FGF13: variants seen among roughly 807,000 people sequenced by gnomAD.
FGF13 encodes fibroblast growth factor homologous factor 2.
FGF13 carries 2 observed loss-of-function variants against 19.5 expected under a neutral mutation model. The observed-to-expected ratio is 0.10, with a 90% confidence interval of 0.04 to 0.32. FGF13 has a LOEUF of 0.32. Ranked by LOEUF, FGF13 falls within the 10% of genes least tolerant of loss-of-function variation. FGF13 has a pLI of 1.00. For missense variants in FGF13, 113 were observed against 192.7 expected, an observed-to-expected ratio of 0.59 and a Z score of 2.45; for synonymous variants, 72 against 76.9, an observed-to-expected ratio of 0.94 and a Z score of 0.33.
chrX:139,020,785 T>C (rs953351066), intron 1 of FGF13, among the ~76,000 whole-genome samples: 3 of 111,862 alleles, frequency 2.7e-5, no homozygotes, highest in African/African-American at 9.7e-5. Context: ...TTAGGTGTAT[T>C]TTATTGCATC....
chrX:138,874,155 AATAT>A (rs746792067), intron 1 of FGF13, among the ~76,000 whole-genome samples: 118 of 98,148 alleles, frequency 1.2e-3, no homozygotes, highest in Non-Finnish European at 1.2e-3. Flanking sequence ...AAGTATAATA[AATAT>A]ATATATATAT....
chrX:138,732,180 A>T (rs1429724846), intron 1 of FGF13, among the ~76,000 whole-genome samples: 1 of 112,058 alleles, frequency 8.9e-6, no homozygotes, highest in Non-Finnish European at 1.9e-5. Flanking sequence ...ATTCTTAGGC[A>T]GTAGCTCAAA....
chrX:138,693,034 C>T (rs2089854897), intron 3 of FGF13, among the ~76,000 whole-genome samples: 1 of 111,220 alleles, frequency 9.0e-6, no homozygotes, highest in African/African-American at 3.3e-5. Context: ...ACCTAAAACA[C>T]TAGACCATCA....
chrX:138,984,598 A>AGGAGGAGGC lies in FGF13; in HGVS notation c.-112-119949_-112-119948insGCCTCCTCC, dbSNP rs1883954042. Among the ~76,000 whole-genome samples, 5 of 39,068 alleles carry AGGAGGAGGC rather than the reference A, an allele frequency of 1.3e-4. 1 individual carries two copies. Among genetic ancestry groups the AGGAGGAGGC allele is most frequent in the Admixed American group, 8.2e-4 (3 of 3,680 alleles). The allele number at this position is 39,068 out of a possible 115,157, so 33.9% of individuals were successfully genotyped here. ...AAGAAGAAGAAGAAGAAGGAGGAGG[A>AGGAGGAGGC]GGAGGAGGAGGAGGAGGATGAGGAA... On this transcript the variant is annotated intron_variant, in intron 1 of 2. Transcript: ENST00000421460.
chrX:139,151,424 A>C, intron 1 of FGF13, among the ~76,000 whole-genome samples: 1 of 112,118 alleles, frequency 8.9e-6, no homozygotes, highest in Non-Finnish European at 1.9e-5. Context: ...TTATCATTTA[A>C]TTCTAATAAC....
chrX:139,179,173 G>A (rs777738411), intron 1 of FGF13, among the ~76,000 whole-genome samples: 16 of 111,227 alleles, frequency 1.4e-4, no homozygotes, highest in Non-Finnish European at 2.8e-4. Context: ...TGGCAAAACC[G>A]CAATTAATTT....
At chrX:138,834,589 C>CAAA (rs751904671) in intron 3 of FGF13, among the ~76,000 whole-genome samples, 1,183 of 98,997 alleles carry the variant, frequency 0.012, 19 homozygotes, top group African/African-American at 0.041. Context: ...TATTTTTTTT[C>CAAA]AAAAAAAAAA....
chrX:138,683,467 C>G (rs1224630560), intron 3 of FGF13, among the ~76,000 whole-genome samples: 1 of 109,977 alleles, frequency 9.1e-6, no homozygotes, highest in East Asian at 2.9e-4. Context: ...GAAATCATGT[C>G]TCTTCTCTTG....
At chrX:138,968,216 A>T (rs2091902436) in intron 1 of FGF13, among the ~76,000 whole-genome samples, 1 of 112,552 alleles carries the variant, frequency 8.9e-6, no homozygotes, top group Non-Finnish European at 1.9e-5. Flanking sequence ...TTAATTTGTT[A>T]GTTTAATATT....
chrX:139,030,945 G>A (rs6635762), intron 1 of FGF13, among the ~76,000 whole-genome samples: 17,038 of 111,303 alleles, frequency 0.15, 1,107 homozygotes, highest in African/African-American at 0.25. Context: ...AAAGGTATAC[G>A]TTTTAAAGAT....
intron 3 of FGF13, among the ~76,000 whole-genome samples, chrX:138,749,585 G>A (rs1020704977): frequency 9.0e-6 from 1 of 111,201 alleles, no homozygotes; most frequent in African/African-American, 3.3e-5. Flanking sequence ...AAATGTGCTG[G>A]GCTGAGAAAA....
intron 3 of FGF13, among the ~76,000 whole-genome samples, chrX:138,754,933 T>C (rs911906306): frequency 9.0e-6 from 1 of 111,490 alleles, no homozygotes; most frequent in East Asian, 2.8e-4. Context: ...CTTGGAAGTC[T>C]GTGTGTAGTT....
intron 3 of FGF13, among the ~76,000 whole-genome samples, chrX:138,664,108 TAA>T (rs1244018689): frequency 1.8e-5 from 2 of 111,786 alleles, no homozygotes; most frequent in Non-Finnish European, 3.8e-5. Context: ...ATAAATGAAG[TAA>T]AGAGTATGGC....
intron 1 of FGF13, among the ~76,000 whole-genome samples, chrX:138,722,986 G>A (rs184230505): frequency 1.1e-4 from 12 of 111,766 alleles, no homozygotes; most frequent in African/African-American, 3.6e-4. Context: ...ACCTTCTGAG[G>A]TAGGTACTGT....
chrX:138,988,925 C>A (rs1391228604), intron 1 of FGF13, among the ~76,000 whole-genome samples: 5 of 111,220 alleles, frequency 4.5e-5, no homozygotes, highest in Non-Finnish European at 9.4e-5. Context: ...ATACAAATAT[C>A]CTGAAGATTG....
At chrX:139,061,210 C>T (rs1294016427) in intron 1 of FGF13, among the ~76,000 whole-genome samples, 1 of 111,679 alleles carries the variant, frequency 9.0e-6, no homozygotes, top group Non-Finnish European at 1.9e-5. Context: ...TCCTGGGTGG[C>T]TGTACTAATT....
At chrX:138,872,680 G>A (rs187762268) in intron 1 of FGF13, among the ~76,000 whole-genome samples, 38 of 111,943 alleles carry the variant, frequency 3.4e-4, no homozygotes, top group African/African-American at 1.2e-3. Flanking sequence ...GATATGAATC[G>A]CATTAGCATA....
At chrX:138,791,924 C>T (rs755420303) in intron 3 of FGF13, among the ~76,000 whole-genome samples, 1 of 111,771 alleles carries the variant, frequency 8.9e-6, no homozygotes, top group East Asian at 2.8e-4. Flanking sequence ...AATGTTTGCC[C>T]ATTAATATTT....
At chrX:138,655,228 G>C (rs907822617) in intron 3 of FGF13, among the ~76,000 whole-genome samples, 1 of 111,740 alleles carries the variant, frequency 8.9e-6, no homozygotes. Flanking sequence ...CCGTATCATA[G>C]AAAGAAGGAA....
Sources: gnomAD v4.1 joint callset for allele counts (sites outside exome capture counted in the v4.1 genomes callset) on GRCh38, gnomAD v4.1.1 for gene constraint, MANE v1.5 for transcripts, NCBI Gene and HGNC (gene_info 2026-07-23, HGNC 2026-07-21) for gene names.